Variants in SPAG9 observed in about 807,000 individuals in gnomAD.
The protein encoded by SPAG9 is sperm associated antigen 9.
A neutral mutation model predicts 166.5 loss-of-function variants in SPAG9; 35 were observed. That is an observed-to-expected ratio of 0.21 (90% CI 0.16 to 0.28). SPAG9 has a LOEUF of 0.28. Ranked by LOEUF, SPAG9 falls within the 10% of genes least tolerant of loss-of-function variation. SPAG9 has a pLI of 1.00. For synonymous variants in SPAG9, 534 were observed against 565.5 expected (o/e 0.94, Z 0.79); for missense variants, 1,235 against 1,603.3 (o/e 0.77, Z 3.92).
rs1360327506 is a variant in SPAG9 at position 50,998,574 on chromosome 17, G to T, written c.1708C>A (p.Pro570Thr). ...TACTTCAGATTAACAGGTGGTTCAGGCTTCTTAGTCGTGTTACTTGAGGAG... is the reference window on the plus strand; with the variant it reads ...TACTTCAGATTAACAGGTGGTTCAGTCTTCTTAGTCGTGTTACTTGAGGAG... ...FSSSSNTTKK[P>T]EPPVNLKYNA... The change falls in exon 15 of 30, where the codon CCT (proline) becomes ACT (threonine). Residue 570 changes from proline (P) to threonine (T), a missense_variant. Pro to Thr is a conservative substitution (Grantham distance 38, BLOSUM62 -1). Coordinates refer to ENST00000262013, the MANE Select transcript of SPAG9 (RefSeq NM_001130528.3). The T allele has an allele frequency of 6.2e-7, 1 of 1,614,114 alleles. No homozygotes were observed. The highest frequency in any genetic ancestry group is 8.5e-7 in the Non-Finnish European group (1 of 1,179,994).
chr17:51,115,414 T>C (rs2049257389), intron 1 of SPAG9, among the ~76,000 whole-genome samples: 1 of 118,354 alleles, frequency 8.4e-6, no homozygotes. Context: ...CTTGAACTCA[T>C]CCTTTTTTTT....
At chr17:51,051,550 T>G (rs2037538466) in intron 3 of SPAG9, among the ~76,000 whole-genome samples, 1 of 152,130 alleles carries the variant, frequency 6.6e-6, no homozygotes, top group South Asian at 2.1e-4. Flanking sequence ...TGAAACCCAG[T>G]CTCTACTAAA....
chr17:51,055,419 T>G (rs2047336543), intron 3 of SPAG9, among the ~76,000 whole-genome samples: 1 of 152,210 alleles, frequency 6.6e-6, no homozygotes, highest in Non-Finnish European at 1.5e-5. Flanking sequence ...ATACAATCTT[T>G]GTAGCATTAA....
At chr17:51,007,380 T>C in intron 9 of SPAG9, 54 bp from the exon 10 acceptor site, 1 of 944,370 alleles carries the variant, frequency 1.1e-6, no homozygotes, top group Non-Finnish European at 1.6e-6. Context: ...AATAATTATA[T>C]ACATTTAAAA....
chr17:51,052,690 T>C (rs915057292), intron 3 of SPAG9, among the ~76,000 whole-genome samples: 7 of 152,184 alleles, frequency 4.6e-5, no homozygotes, highest in Admixed American at 2.6e-4. Flanking sequence ...GGCTTCTTTA[T>C]AGAAGCGTAT....
intron 1 of SPAG9, among the ~76,000 whole-genome samples, chr17:51,086,785 G>A (rs2048319141): frequency 1.3e-5 from 2 of 152,162 alleles, no homozygotes; most frequent in African/African-American, 2.4e-5. Flanking sequence ...AGCTGGGCGT[G>A]GTGGCAGGTG....
intron 6 of SPAG9, among the ~76,000 whole-genome samples, chr17:51,022,394 T>C (rs1466690410): frequency 6.6e-6 from 1 of 152,136 alleles, no homozygotes. Context: ...ATCACTATTA[T>C]AGGATCTACA....
chr17:50,982,363 T>A (rs914844220), intron 25 of SPAG9, among the ~76,000 whole-genome samples, 161 bp downstream of exon 25: 2 of 152,216 alleles, frequency 1.3e-5, no homozygotes, highest in Non-Finnish European at 2.9e-5. Flanking sequence ...GCAAGAGAGT[T>A]AAGTAACACA....
At chr17:50,975,027 T>C (rs1974113671) in intron 27 of SPAG9, 80 bp from the exon 28 acceptor site, 1 of 1,319,036 alleles carries the variant, frequency 7.6e-7, no homozygotes, top group Non-Finnish European at 1.0e-6. Context: ...TTAATCCTTA[T>C]GATATTATCT....
chr17:51,054,523 G>A (rs2047306236), intron 3 of SPAG9, among the ~76,000 whole-genome samples: 1 of 150,960 alleles, frequency 6.6e-6, no homozygotes, highest in Non-Finnish European at 1.5e-5. Flanking sequence ...TGCAAGCTCC[G>A]CCTCCTGGGT....
At chr17:51,037,014 T>G (rs751076183) in intron 5 of SPAG9, among the ~76,000 whole-genome samples, 4 of 152,224 alleles carry the variant, frequency 2.6e-5, no homozygotes, top group Non-Finnish European at 4.4e-5. Context: ...TTCCTTCATT[T>G]GTAGCTTCTT....
chr17:50,975,227 TA>T lies in SPAG9; in HGVS notation c.3524-281del, dbSNP rs752023786. The T allele has an allele frequency of 6.5e-3, 1,879 of 286,980 alleles. 7 individuals are homozygous for T. The highest frequency in any genetic ancestry group is 0.019 in the African/African-American group (855 of 44,008). 17.8% of individuals were successfully genotyped at this position (286,980 alleles called of 1,614,324 possible). Reference sequence around the variant, plus strand: ...TATTCATTTAAAAAATAATTTTAGTTAAAAAAAAAACAAATTTGAATCTTAG... The same window carrying T: ...TATTCATTTAAAAAATAATTTTAGTTAAAAAAAAACAAATTTGAATCTTAG... On this transcript the variant is annotated intron_variant, in intron 27 of 29. Coordinates refer to ENST00000262013, the MANE Select transcript of SPAG9 (RefSeq NM_001130528.3).
intron 26 of SPAG9, among the ~76,000 whole-genome samples, chr17:50,978,122 T>G (rs1393635603): frequency 2.0e-5 from 3 of 152,258 alleles, no homozygotes; most frequent in African/African-American, 7.2e-5. Flanking sequence ...CAACTGATCT[T>G]ATTTTCAGTG....
At chr17:51,026,536 C>T (rs1048186408) in intron 6 of SPAG9, among the ~76,000 whole-genome samples, 8 of 151,902 alleles carry the variant, frequency 5.3e-5, no homozygotes, top group African/African-American at 9.7e-5. Flanking sequence ...ATACTTACCA[C>T]ATAAAAATAT....
Position 50,968,688 on chromosome 17 carries a change from GCCAC to G in SPAG9, c.3850+2015_3850+2018del. 3.3e-5 allele frequency among the ~76,000 whole-genome samples: 5 copies of G among 151,986 alleles called. No individual in the cohort carries two copies. In the South Asian group the frequency reaches 1.0e-3, roughly 32 times the overall value. The stretch of plus-strand genomic sequence containing the variant: ...GGAGGTTGCAGTGAGCCAAGATTGT[GCCAC>G]TGCACTCCAGCCTGGGTGACAGAGT... On this transcript the variant is annotated intron_variant, in intron 29 of 29. Coordinates refer to ENST00000262013, the MANE Select transcript of SPAG9 (RefSeq NM_001130528.3).
Position 50,998,536 on chromosome 17 carries a change from C to T in SPAG9, c.1746G>A (p.Thr582=), listed in dbSNP as rs527431717. The change falls in exon 15 of 30, where the codon ACG becomes ACA. Residue 582 remains threonine, a synonymous_variant. Transcript: ENST00000262013. The stretch of plus-strand genomic sequence containing the variant: ...TCTTGACGGACGGAGTAACATGAGA[C>T]GTGGGTGCATTGTACTTCAGATTAA... ...PPVNLKYNAP[T]SHVTPSVKKR... The T allele has an allele frequency of 1.2e-4, 200 of 1,614,094 alleles. 1 individual carries two copies. The South Asian group carries it at 1.7e-3, about 14-fold the overall frequency.
At chr17:50,978,838 C>A (rs962721710) in intron 26 of SPAG9, among the ~76,000 whole-genome samples, 1 of 152,016 alleles carries the variant, frequency 6.6e-6, no homozygotes, top group African/African-American at 2.4e-5. Flanking sequence ...TGTCACCTCA[C>A]CTAAAGGCAA....
In SPAG9 at chr17:50,964,749, T is replaced by G; in HGVS notation, c.*1523A>C. ...CAGTGAAATCCAGACTTTAATCTAT[T>G]TTTTGCTTGTTTGTCTGTTTTGAGA... On this transcript the variant is annotated 3_prime_UTR_variant, in exon 30 of 30. Transcript: ENST00000262013. 4.4e-6 allele frequency: 2 copies of G among 453,528 alleles called. No homozygotes were observed. Among genetic ancestry groups the G allele is most frequent in the Non-Finnish European group, 4.4e-6 (1 of 225,626 alleles). The allele number at this position is 453,528 out of a possible 1,614,324, so 28.1% of individuals were successfully genotyped here. A position where few individuals can be genotyped will look rare whatever the true frequency, so the allele number is the denominator to read the frequency against.
intron 2 of SPAG9, among the ~76,000 whole-genome samples, chr17:51,076,763 T>G (rs922668963): frequency 6.6e-6 from 1 of 151,598 alleles, no homozygotes; most frequent in Non-Finnish European, 1.5e-5. Flanking sequence ...AAAGAAAACT[T>G]TGTGTACCCT....
Sources: allele counts gnomAD v4.1 joint callset (sites outside exome capture counted in the v4.1 genomes callset), GRCh38; gene constraint gnomAD v4.1.1; transcripts MANE v1.5; gene names NCBI Gene and HGNC (gene_info 2026-07-23, HGNC 2026-07-21).